The following ABCA12 variants were observed in gnomAD, a reference collection of about 807,000 sequenced individuals.
The protein encoded by ABCA12 is ATP binding cassette subfamily A member 12.
ABCA12 carries 156 observed loss-of-function variants against 293.5 expected under a neutral mutation model. The ratio of observed to expected loss-of-function variants is 0.53; its 90% CI spans 0.47 to 0.61. The LOEUF (loss-of-function observed/expected upper bound fraction) is 0.61. Among genes scored for constraint, ABCA12 ranks in the 20% least tolerant of loss-of-function variants. The pLI, the probability that ABCA12 is intolerant of heterozygous loss-of-function variation, is 0.00. For missense variants in ABCA12, 2,797 were observed against 3,090.2 expected, an observed-to-expected ratio of 0.91 and a Z score of 2.25; for synonymous variants, 1,063 against 1,108.0, an observed-to-expected ratio of 0.96 and a Z score of 0.81.
chr2:215,027,021 G>T (rs1700761385), intron 9 of ABCA12, 83 bp from the exon 10 acceptor site: 1 of 1,020,488 alleles, frequency 9.8e-7, no homozygotes, highest in Non-Finnish European at 1.5e-6. Context: ...TTGGTCCCTT[G>T]TTTGGCATTG....
intron 15 of ABCA12, 43 bp downstream of exon 15, chr2:215,015,447 T>A: frequency 2.6e-6 from 4 of 1,540,966 alleles, no homozygotes; most frequent in Non-Finnish European, 3.6e-6. Flanking sequence ...AATAGTTTTA[T>A]ATAAACCATG....
chr2:214,935,895 G>T (rs1338303035), intron 51 of ABCA12, among the ~76,000 whole-genome samples: 1 of 152,124 alleles, frequency 6.6e-6, no homozygotes, highest in Non-Finnish European at 1.5e-5. Flanking sequence ...GGTATTTTAT[G>T]AAGATAAAAT....
chr2:215,054,624 T>G lies in ABCA12; in HGVS notation c.358A>C (p.Ser120Arg). The change falls in exon 4 of 53, where the codon AGT (serine) becomes CGT (arginine). Residue 120 changes from serine (S) to arginine (R), a missense_variant. Around this residue, in one of 3 missense-constraint regions of ABCA12, gnomAD observed 656 missense variants for 638.2 expected, o/e 1.03. Coordinates refer to ENST00000272895, the MANE Select transcript of ABCA12 (RefSeq NM_173076.3). The stretch of plus-strand genomic sequence containing the variant: ...ACTTGGGTGCTCTGGAATGATAAAC[T>G]GCTGTCCTTATCCAGGTTGGATGAC... Reference protein sequence around the residue: ...RKSSNLDKDSSLSFQSTQVPE... With the variant: ...RKSSNLDKDSRLSFQSTQVPE... The G allele has an allele frequency of 1.9e-6, 3 of 1,612,202 alleles. No individual in the cohort carries two copies. The highest frequency in any genetic ancestry group is 2.5e-6 in the Non-Finnish European group (3 of 1,178,596).
chr2:214,984,264 T>C (rs1699737775), intron 28 of ABCA12, among the ~76,000 whole-genome samples: 1 of 151,916 alleles, frequency 6.6e-6, no homozygotes, highest in South Asian at 2.1e-4. Flanking sequence ...GCCCGGCTAA[T>C]TTTTGTATTT....
chr2:215,036,918 A>C, intron 8 of ABCA12, 35 bp downstream of exon 8: 1 of 1,574,646 alleles, frequency 6.4e-7, no homozygotes, highest in Non-Finnish European at 8.7e-7. Flanking sequence ...GCTTTGTGAC[A>C]CTGAATTTAA....
chr2:215,101,729 G>T (rs1459855663), intron 2 of ABCA12, among the ~76,000 whole-genome samples: 3 of 152,050 alleles, frequency 2.0e-5, no homozygotes, highest in Non-Finnish European at 4.4e-5. Flanking sequence ...ATTTTTAAAA[G>T]AAATCTGCAT....
intron 7 of ABCA12, among the ~76,000 whole-genome samples, chr2:215,040,886 AG>A (rs1409618805): frequency 6.6e-6 from 1 of 152,140 alleles, no homozygotes; most frequent in Non-Finnish European, 1.5e-5. Flanking sequence ...TACAAAAAAA[AG>A]GGGGGGTGTG....
At chr2:214,982,467 T>A in intron 29 of ABCA12, 84 bp from the exon 30 acceptor site, 1 of 1,088,558 alleles carries the variant, frequency 9.2e-7, no homozygotes, top group Non-Finnish European at 1.4e-6. Flanking sequence ...AATTGATATG[T>A]ATTCACTAGG....
In ABCA12 at chr2:214,951,057, G is replaced by A; in HGVS notation, c.6674C>T (p.Ser2225Leu). The change falls in exon 45 of 53, where the codon TCA (serine) becomes TTA (leucine). Residue 2225 changes from serine (S) to leucine (L), a missense_variant. Around this residue, in one of 3 missense-constraint regions of ABCA12, gnomAD observed 2,130 missense variants for 2,427.0 expected, o/e 0.88. Transcript: ENST00000272895. ...LRLFFRKFNS[S>L]HVRETIDEDE... is the part of the protein sequence containing the mutation. Reference sequence around the variant, plus strand: ...CTCATCTATTGTCTCCCTTACATGTGAAGAATTAAATTTTCTGAAGAAAAG... The same window carrying A: ...CTCATCTATTGTCTCCCTTACATGTAAAGAATTAAATTTTCTGAAGAAAAG... The A allele has an allele frequency of 1.9e-6, 3 of 1,614,020 alleles. No individual in the cohort carries two copies. The highest frequency in any genetic ancestry group is 2.5e-6 in the Non-Finnish European group (3 of 1,179,998).
At chr2:214,979,873 A>G (rs1350996850) in intron 31 of ABCA12, among the ~76,000 whole-genome samples, 1 of 152,216 alleles carries the variant, frequency 6.6e-6, no homozygotes, top group Admixed American at 6.5e-5. Context: ...AAACTTCCTA[A>G]TAGCATATAC....
chr2:215,046,700 T>C (rs1463104205), intron 6 of ABCA12, among the ~76,000 whole-genome samples: 1 of 152,060 alleles, frequency 6.6e-6, no homozygotes, highest in African/African-American at 2.4e-5. Context: ...AACTGTATTT[T>C]TTTGTGTTCT....
intron 1 of ABCA12, among the ~76,000 whole-genome samples, chr2:215,122,684 A>G (rs1702832895): frequency 6.6e-6 from 1 of 152,246 alleles, no homozygotes; most frequent in South Asian, 2.1e-4. Context: ...CACAGAAAAT[A>G]AACAACTAAA....
rs560771736 is a variant in ABCA12, at chr2:215,135,265, T to C, written c.69+2875A>G. 2.0e-5 allele frequency among the ~76,000 whole-genome samples: 3 copies of C among 152,342 alleles called. No homozygotes were observed. The East Asian group carries it at 5.8e-4, about 29-fold the overall frequency. On this transcript the variant is annotated intron_variant, in intron 1 of 52. Transcript: ENST00000272895. ...TGAGCCACTGCGCCCAGCCCCAGCATATACTTTTATAATCAACACATTTCC... is the reference window on the plus strand; with the variant it reads ...TGAGCCACTGCGCCCAGCCCCAGCACATACTTTTATAATCAACACATTTCC...
chr2:215,083,861 A>G (rs1057095572), intron 2 of ABCA12, among the ~76,000 whole-genome samples: 2 of 152,164 alleles, frequency 1.3e-5, no homozygotes, highest in African/African-American at 2.4e-5. Context: ...GCTACCATTA[A>G]TCCATCAAAA....
At chr2:215,134,372 A>ATGTATATATGTATATATGTATATG in intron 1 of ABCA12, among the ~76,000 whole-genome samples, 5 of 139,398 alleles carry the variant, frequency 3.6e-5, no homozygotes, top group African/African-American at 1.3e-4. Context: ...ATGTGTATAT[A>ATGTATATATGTATATATGTATATG]TGTATATATG....
At chr2:215,020,172 A>G (rs1388676075) in intron 11 of ABCA12, among the ~76,000 whole-genome samples, 4 of 152,134 alleles carry the variant, frequency 2.6e-5, no homozygotes, top group African/African-American at 9.7e-5. Flanking sequence ...GAACGTTTAA[A>G]AAGTATTTCT....
At chr2:215,114,369 A>G (rs1185282215) in intron 1 of ABCA12, among the ~76,000 whole-genome samples, 1 of 152,182 alleles carries the variant, frequency 6.6e-6, no homozygotes, top group Non-Finnish European at 1.5e-5. Flanking sequence ...ATTTTAAAAC[A>G]TTATTCTTAA....
chr2:214,955,395 G>T, intron 42 of ABCA12, 34 bp from the exon 43 acceptor site: 1 of 1,610,204 alleles, frequency 6.2e-7, no homozygotes, highest in South Asian at 1.1e-5. Context: ...TTAAAATTAC[G>T]CCTCGGCCAG....
At chr2:215,063,697 T>C (rs1268119470) in intron 3 of ABCA12, among the ~76,000 whole-genome samples, 1 of 152,002 alleles carries the variant, frequency 6.6e-6, no homozygotes. Context: ...ATGTGATTCT[T>C]CCAGGATGAT....
Sources: gnomAD v4.1 joint callset for allele counts (sites outside exome capture counted in the v4.1 genomes callset) on GRCh38, gnomAD v4.1.1 for gene constraint, gnomAD v4.1.1 regional missense constraint, MANE v1.5 for transcripts, NCBI Gene and HGNC (gene_info 2026-07-23, HGNC 2026-07-21) for gene names.